The following FHIT variants were observed in gnomAD, a reference collection of about 807,000 sequenced individuals.
FHIT encodes bis(5'-adenosyl)-triphosphatase.
FHIT carries 19 observed loss-of-function variants against 17.9 expected under a neutral mutation model. The observed-to-expected ratio is 1.06, with a 90% CI of 0.74 to 1.56. The LOEUF is 1.56. Ranked by LOEUF, FHIT falls within the 40% of genes most tolerant of loss-of-function variation. The pLI, the probability that FHIT is intolerant of heterozygous loss-of-function variation, is 0.00. For synonymous variants in FHIT, 81 were observed against 69.7 expected, an observed-to-expected ratio of 1.16 and a Z score of -0.81; for missense variants, 248 against 189.2, an observed-to-expected ratio of 1.31 and a Z score of -1.82.
At chr3:60,374,306 A>C (rs997351862) in intron 5 of FHIT, among the ~76,000 whole-genome samples, 29 of 152,114 alleles carry the variant, frequency 1.9e-4, no homozygotes, top group African/African-American at 7.0e-4. Context: ...TACTTTTTGC[A>C]ACCTAAAGTA....
At chr3:60,866,425 T>G (rs1348153141) in intron 3 of FHIT, among the ~76,000 whole-genome samples, 1 of 152,100 alleles carries the variant, frequency 6.6e-6, no homozygotes, top group Non-Finnish European at 1.5e-5. Context: ...TCTATGAAGT[T>G]ACTCAAGCAG....
intron 5 of FHIT, among the ~76,000 whole-genome samples, chr3:60,064,516 T>C (rs1702420251): frequency 6.6e-6 from 1 of 152,212 alleles, no homozygotes. Flanking sequence ...ACAGTCATTG[T>C]ATCATCCACA....
At chr3:60,766,714 G>C (rs1334064295) in intron 4 of FHIT, among the ~76,000 whole-genome samples, 1 of 152,164 alleles carries the variant, frequency 6.6e-6, no homozygotes, top group African/African-American at 2.4e-5. Flanking sequence ...ACAACACTGA[G>C]ATGATGATAG....
chr3:60,830,288 C>G (rs1343620141), intron 3 of FHIT, among the ~76,000 whole-genome samples: 1 of 152,100 alleles, frequency 6.6e-6, no homozygotes, highest in Non-Finnish European at 1.5e-5. Context: ...ATTTTTCCTT[C>G]CCTACACTTA....
intron 5 of FHIT, among the ~76,000 whole-genome samples, chr3:60,441,527 T>C (rs775840848): frequency 1.3e-5 from 2 of 151,036 alleles, no homozygotes; most frequent in Non-Finnish European, 2.9e-5. Flanking sequence ...CCTTAGAGAA[T>C]AGGCAAAGGA....
rs1373487421 is a variant in FHIT, at chr3:59,845,842, T to C, written c.348+76504A>G. 8.5e-5 allele frequency among the ~76,000 whole-genome samples: 13 copies of C among 152,250 alleles called. No individual in the cohort carries two copies. In the East Asian group the frequency reaches 2.3e-3, roughly 27 times the overall value. ...TGTTTTCTTACTTAACTTCTGTCTT[T>C]TGTCTCTTTGCTAGCATTTTTTATT... is the stretch of plus-strand genomic sequence containing the variant. On this transcript the variant is annotated intron_variant, in intron 8 of 9. Coordinates refer to ENST00000492590, the MANE Select transcript of FHIT (RefSeq NM_002012.4).
chr3:60,216,582 T>C (rs1375245285), intron 5 of FHIT, among the ~76,000 whole-genome samples: 4 of 152,150 alleles, frequency 2.6e-5, no homozygotes, highest in African/African-American at 4.8e-5. Context: ...ACTGTCTACC[T>C]AATACTGAGC....
chr3:60,243,079 A>T (rs1020092177), intron 5 of FHIT, among the ~76,000 whole-genome samples: 1 of 151,372 alleles, frequency 6.6e-6, no homozygotes, highest in Non-Finnish European at 1.5e-5. Context: ...AAAAAAAAAA[A>T]TTAGATTTGG....
At chr3:60,738,883 C>T (rs782565984) in intron 4 of FHIT, among the ~76,000 whole-genome samples, 18 of 152,310 alleles carry the variant, frequency 1.2e-4, no homozygotes, top group Middle Eastern at 3.4e-3. Flanking sequence ...TGTACCCAAA[C>T]GGTTGCCTTT....
intron 3 of FHIT, among the ~76,000 whole-genome samples, chr3:60,994,383 A>C (rs1410671660): frequency 3.3e-5 from 5 of 152,218 alleles, no homozygotes; most frequent in African/African-American, 1.2e-4. Context: ...ATATTTAGTT[A>C]TACTTCAATT....
chr3:60,057,545 G>T (rs1358859675), intron 5 of FHIT, among the ~76,000 whole-genome samples: 1 of 152,118 alleles, frequency 6.6e-6, no homozygotes, highest in Non-Finnish European at 1.5e-5. Context: ...AGTCACAAAG[G>T]ATGATATTGT....
intron 5 of FHIT, among the ~76,000 whole-genome samples, chr3:60,156,982 T>C (rs996488649): frequency 2.6e-5 from 4 of 152,070 alleles, no homozygotes; most frequent in African/African-American, 9.7e-5. Context: ...ACGACTCTTA[T>C]GATTAAGATA....
intron 2 of FHIT, among the ~76,000 whole-genome samples, chr3:61,192,373 C>T (rs1318228778): frequency 6.6e-6 from 1 of 152,170 alleles, no homozygotes; most frequent in African/African-American, 2.4e-5. Context: ...TAGCTGAGTG[C>T]TCAAAATCCT....
At chr3:60,120,550 C>A (rs1159274832) in intron 5 of FHIT, among the ~76,000 whole-genome samples, 3 of 152,172 alleles carry the variant, frequency 2.0e-5, no homozygotes, top group Non-Finnish European at 4.4e-5. Flanking sequence ...AAGAGTACGA[C>A]AGCAGCGAGG....
intron 5 of FHIT, among the ~76,000 whole-genome samples, chr3:60,332,670 A>C (rs1710044368): frequency 6.6e-6 from 1 of 152,116 alleles, no homozygotes; most frequent in African/African-American, 2.4e-5. Context: ...TGAAAAGGCA[A>C]CTATTTTGGG....
chr3:59,862,551 A>ATGTTCTACAAACATCTCTGT (rs1702454286), intron 8 of FHIT, among the ~76,000 whole-genome samples: 2 of 152,224 alleles, frequency 1.3e-5, no homozygotes, highest in African/African-American at 4.8e-5. Flanking sequence ...TTTGTAGAAG[A>ATGTTCTACAAACATCTCTGT]GCAGACACAG....
At chr3:59,860,331 A>C (rs982716044) in intron 8 of FHIT, among the ~76,000 whole-genome samples, 5 of 152,186 alleles carry the variant, frequency 3.3e-5, no homozygotes, top group Non-Finnish European at 7.3e-5. Flanking sequence ...GATTCGGTAT[A>C]AAGAAGGAGA....
chr3:61,076,106 T>A (rs1432883167), intron 2 of FHIT, among the ~76,000 whole-genome samples: 6 of 152,166 alleles, frequency 3.9e-5, no homozygotes, highest in Non-Finnish European at 5.9e-5. Flanking sequence ...AGGTAGCAGA[T>A]GAAAGATCTG....
In FHIT at chr3:59,749,289, T is replaced by TCAATACACCGAGACACAGGGTTGC. The variant is rs1176862136; in HGVS notation, c.*272_*295dup. The TCAATACACCGAGACACAGGGTTGC allele has an allele frequency of 1.3e-5, 3 of 230,622 alleles. No individual in the cohort carries two copies. The highest frequency in any genetic ancestry group is 1.1e-4 in the Admixed American group (2 of 17,644). The allele number at this position is 230,622 out of a possible 1,614,324, so 14.3% of individuals were successfully genotyped here. On this transcript the variant is annotated 3_prime_UTR_variant, in exon 10 of 10. Coordinates refer to ENST00000492590, the MANE Select transcript of FHIT (RefSeq NM_002012.4). Reference sequence around the variant, plus strand: ...GGTTTGTTGCCTAATTCATGGCAAGTCAATACACCGAGACACAGGGTTGCA... The same window carrying TCAATACACCGAGACACAGGGTTGC: ...GGTTTGTTGCCTAATTCATGGCAAGTCAATACACCGAGACACAGGGTTGCCAATACACCGAGACACAGGGTTGCA...
Sources: allele counts gnomAD v4.1 joint callset (sites outside exome capture counted in the v4.1 genomes callset), GRCh38; gene constraint gnomAD v4.1.1; transcripts MANE v1.5; gene names NCBI Gene and HGNC (gene_info 2026-07-23, HGNC 2026-07-21).